The following HS3ST4 variants were observed in gnomAD, a reference collection of about 807,000 sequenced individuals.
HS3ST4 encodes heparan sulfate glucosamine 3-O-sulfotransferase 4.
Under a neutral mutation model 29.2 loss-of-function variants are expected in HS3ST4, and 17 were observed. The observed-to-expected ratio is 0.58, with a 90% CI of 0.40 to 0.87. The LOEUF is 0.87. HS3ST4 is among the 40% of genes least tolerant of loss of function. The pLI is 0.00. For synonymous variants in HS3ST4, 314 were observed against 285.7 expected, an observed-to-expected ratio of 1.10 and a Z score of -1.00; for missense variants, 627 against 634.5, an observed-to-expected ratio of 0.99 and a Z score of 0.13.
intron 1 of HS3ST4, among the ~76,000 whole-genome samples, chr16:25,899,962 C>A (rs1968106317): frequency 6.6e-6 from 1 of 152,140 alleles, no homozygotes. Context: ...ATGAAGCTGC[C>A]AGGCCAACCC....
chr16:25,903,607 A>G (rs1248681337), intron 1 of HS3ST4, among the ~76,000 whole-genome samples: 1 of 152,088 alleles, frequency 6.6e-6, no homozygotes, highest in Non-Finnish European at 1.5e-5. Context: ...AGGATTGAGC[A>G]TACTTGTCCA....
intron 1 of HS3ST4, among the ~76,000 whole-genome samples, chr16:25,693,680 G>C (rs924526057): frequency 1.3e-5 from 2 of 152,170 alleles, no homozygotes; most frequent in East Asian, 3.9e-4. Flanking sequence ...TCATGCTGGC[G>C]TTTTGGCTTT....
At chr16:25,795,533 G>T (rs1966882046) in intron 1 of HS3ST4, among the ~76,000 whole-genome samples, 1 of 152,126 alleles carries the variant, frequency 6.6e-6, no homozygotes, top group South Asian at 2.1e-4. Flanking sequence ...AGTTCAAAGT[G>T]AGTCTCATAA....
intron 1 of HS3ST4, among the ~76,000 whole-genome samples, chr16:25,723,033 GT>G (rs890024203): frequency 5.9e-5 from 9 of 152,128 alleles, no homozygotes; most frequent in Non-Finnish European, 1.3e-4. Context: ...AGTAAAAGAG[GT>G]TTCCCCTTAT....
chr16:25,897,273 G>T (rs1968076006), intron 1 of HS3ST4, among the ~76,000 whole-genome samples: 1 of 152,112 alleles, frequency 6.6e-6, no homozygotes, highest in African/African-American at 2.4e-5. Context: ...GGGCAACACG[G>T]TAAAGCCCCA....
intron 1 of HS3ST4, among the ~76,000 whole-genome samples, chr16:25,995,314 G>A (rs757015649): frequency 8.5e-5 from 13 of 152,168 alleles, no homozygotes; most frequent in Non-Finnish European, 1.6e-4. Flanking sequence ...GGTAGCATTT[G>A]CTGCAGGTAT....
chr16:25,973,410 T>A (rs1968915344), intron 1 of HS3ST4, among the ~76,000 whole-genome samples: 1 of 152,212 alleles, frequency 6.6e-6, no homozygotes, highest in Non-Finnish European at 1.5e-5. Flanking sequence ...AAAGAAGACA[T>A]CTTTCCTGCT....
chr16:26,036,906 C>G (rs113528803), intron 1 of HS3ST4, among the ~76,000 whole-genome samples: 7,409 of 152,198 alleles, frequency 0.049, 225 homozygotes, highest in Middle Eastern at 0.15. Flanking sequence ...AGAACTGGAA[C>G]CAAGAACTGG....
chr16:26,078,061 G>T (rs1204140056), intron 1 of HS3ST4, among the ~76,000 whole-genome samples: 1 of 152,162 alleles, frequency 6.6e-6, no homozygotes, highest in African/African-American at 2.4e-5. Flanking sequence ...ACAAAACTTG[G>T]TTTCAAAAAA....
At chr16:25,936,773 T>C (rs1204546554) in intron 1 of HS3ST4, among the ~76,000 whole-genome samples, 1 of 152,204 alleles carries the variant, frequency 6.6e-6, no homozygotes, top group East Asian at 1.9e-4. Flanking sequence ...TGTAGTCCAA[T>C]GGGATAAATT....
At chr16:26,090,187 G>A (rs2141788754) in intron 1 of HS3ST4, among the ~76,000 whole-genome samples, 1 of 152,160 alleles carries the variant, frequency 6.6e-6, no homozygotes, top group Admixed American at 6.6e-5. Context: ...GATTAGTTGA[G>A]AAACTTTCCC....
intron 1 of HS3ST4, among the ~76,000 whole-genome samples, chr16:25,882,638 T>C (rs1967905651): frequency 6.6e-6 from 1 of 152,174 alleles, no homozygotes; most frequent in East Asian, 1.9e-4. Flanking sequence ...CTTATTCACC[T>C]AGATTTTTCG....
chr16:26,039,153 A>C (rs1025736871), intron 1 of HS3ST4, among the ~76,000 whole-genome samples: 3 of 152,210 alleles, frequency 2.0e-5, no homozygotes, highest in African/African-American at 7.2e-5. Context: ...ACACTTCTAT[A>C]ATAATGCTCA....
At chr16:25,997,937 T>C (rs1291005007) in intron 1 of HS3ST4, among the ~76,000 whole-genome samples, 1 of 152,132 alleles carries the variant, frequency 6.6e-6, no homozygotes, top group Non-Finnish European at 1.5e-5. Context: ...TTCTGTCTTT[T>C]CAAATAATGA....
chr16:25,706,860 T>C (rs1966379430), intron 1 of HS3ST4, among the ~76,000 whole-genome samples: 1 of 152,232 alleles, frequency 6.6e-6, no homozygotes, highest in Non-Finnish European at 1.5e-5. Context: ...AAGGCTTCTC[T>C]TATCCGCAGT....
At chr16:26,132,490 C>T (rs1899433560) in intron 1 of HS3ST4, among the ~76,000 whole-genome samples, 1 of 152,094 alleles carries the variant, frequency 6.6e-6, no homozygotes. Flanking sequence ...GCAATGCCTT[C>T]TCTTATTTCC....
chr16:25,856,630 T>C (rs1159592571), intron 1 of HS3ST4, among the ~76,000 whole-genome samples: 2 of 152,106 alleles, frequency 1.3e-5, no homozygotes, highest in Non-Finnish European at 2.9e-5. Context: ...ACACTAACAC[T>C]AACAACAGAT....
chr16:25,949,205 T>C (rs527538747), intron 1 of HS3ST4, among the ~76,000 whole-genome samples: 1 of 152,266 alleles, frequency 6.6e-6, no homozygotes, highest in South Asian at 2.1e-4. Flanking sequence ...ATCCTTTGAG[T>C]TACAAACTAT....
rs540963130 is a variant in HS3ST4 at position 25,837,739 on chromosome 16, T to G, written c.734+144588T>G. Among the ~76,000 whole-genome samples, 6 of 152,354 alleles carry G rather than the reference T, an allele frequency of 3.9e-5. No homozygotes were observed. In the South Asian group the frequency reaches 1.2e-3, roughly 32 times the overall value. ...TTAAAAAAAAAATCCTGTTGCATAT[T>G]AAATACTTCTCTTGGGACTTAAATC... On this transcript the variant is annotated intron_variant, in intron 1 of 1. Coordinates refer to ENST00000331351, the MANE Select transcript of HS3ST4 (RefSeq NM_006040.3).
Sources: allele counts gnomAD v4.1 joint callset (sites outside exome capture counted in the v4.1 genomes callset), GRCh38; gene constraint gnomAD v4.1.1; transcripts MANE v1.5; gene names NCBI Gene and HGNC (gene_info 2026-07-23, HGNC 2026-07-21).